DIRAS1: variants seen among roughly 807,000 people sequenced by gnomAD.
DIRAS1 encodes GTP-binding protein Di-Ras1.
DIRAS1 carries 3 observed loss-of-function variants against 11.5 expected under a neutral mutation model. The ratio of observed to expected loss-of-function variants is 0.26; its 90% CI spans 0.12 to 0.67. DIRAS1 has a LOEUF of 0.67. DIRAS1 is among the 30% of genes least tolerant of loss of function. DIRAS1 has a pLI of 0.80. For synonymous variants in DIRAS1, 128 were observed against 125.8 expected, an observed-to-expected ratio of 1.02 and a Z score of -0.12; for missense variants, 212 against 285.3, an observed-to-expected ratio of 0.74 and a Z score of 1.85.
intron 1 of DIRAS1, among the ~76,000 whole-genome samples, chr19:2,719,913 T>A (rs1913915720): frequency 6.6e-6 from 1 of 152,144 alleles, no homozygotes. Context: ...CACTTGGCTG[T>A]GCCTGTTGGT....
Position 2,718,890 on chromosome 19 carries a change from G to C in DIRAS1, c.-69-1015C>G, listed in dbSNP as rs979573481. Among the ~76,000 whole-genome samples, 1 of 151,544 alleles carries C rather than the reference G, an allele frequency of 6.6e-6. No individual in the cohort carries two copies. Among genetic ancestry groups the C allele is most frequent in the Non-Finnish European group, 1.5e-5 (1 of 67,954 alleles). On this transcript the variant is annotated intron_variant, in intron 1 of 1. Transcript: ENST00000323469. This position sits in a 1 kb window ranked among gnomAD's most constrained non-coding sequence, Gnocchi z 4.2. ...GGTTGGAGTTCAGTGGTGCAATCTC[G>C]GCTCACTGCAACCTCTGCCTCCTCG...
In DIRAS1 at chr19:2,717,097, C is replaced by A; in HGVS notation, c.*113G>T. 3 of 1,212,410 alleles carry A rather than the reference C, an allele frequency of 2.5e-6. No individual in the cohort carries two copies. The highest frequency in any genetic ancestry group is 3.4e-6 in the Non-Finnish European group (3 of 884,856). The allele number at this position is 1,212,410 out of a possible 1,614,324, so 75.1% of individuals were successfully genotyped here. On this transcript the variant is annotated 3_prime_UTR_variant, in exon 2 of 2. Transcript: ENST00000323469. ...GGGCGGTGGCCTCGGTTTCCCCAGC[C>A]GAGGTGTCGGAGGAAGGATGAGAGA... is the stretch of plus-strand genomic sequence containing the variant.
Position 2,717,528 on chromosome 19 carries a change from C to T in DIRAS1, c.279G>A (p.Ser93=), listed in dbSNP as rs1476243477. ...ILVFSVTSKQ[S]LEELGPIYKL... is the part of the protein sequence containing the mutation. ...TGTAGATGGGCCCCAGCTCCTCCAG[C>T]GACTGCTTGCTGGTGACGGAGAACA... Residue 93 remains serine (S), a synonymous_variant, in exon 2 of 2, where the codon TCG becomes TCA. Coordinates refer to ENST00000323469, the MANE Select transcript of DIRAS1 (RefSeq NM_145173.4). 1.2e-6 allele frequency: 2 copies of T among 1,613,072 alleles called. No individual in the cohort carries two copies. The highest frequency in any genetic ancestry group is 1.7e-5 in the Admixed American group (1 of 60,010).
Position 2,717,862 on chromosome 19 carries a change from AC to A in DIRAS1, c.-57del. The A allele has an allele frequency of 6.6e-7, 1 of 1,508,494 alleles. No homozygotes were observed. The highest frequency in any genetic ancestry group is 8.9e-7 in the Non-Finnish European group (1 of 1,127,566). The allele number at this position is 1,508,494 out of a possible 1,614,324, so 93.4% of individuals were successfully genotyped here. ...GGGAGGGCTGGTGCCAGCTGCAAGA[AC>A]CCCAGACCGAGCCTGTGCAGAGAGG... is the stretch of plus-strand genomic sequence containing the variant. On this transcript the variant is annotated 5_prime_UTR_variant, in exon 2 of 2. Coordinates refer to ENST00000323469, the MANE Select transcript of DIRAS1 (RefSeq NM_145173.4).
At position 2,718,300 on chromosome 19, in the gene DIRAS1, C is replaced by T. The variant is rs1232884568; in HGVS notation, c.-69-425G>A. Among the ~76,000 whole-genome samples, 1 of 152,172 alleles carries T rather than the reference C, an allele frequency of 6.6e-6. No individual in the cohort carries two copies. The highest frequency in any genetic ancestry group is 1.5e-5 in the Non-Finnish European group (1 of 68,026). On this transcript the variant is annotated intron_variant, in intron 1 of 1. Coordinates refer to ENST00000323469, the MANE Select transcript of DIRAS1 (RefSeq NM_145173.4). This position sits in a 1 kb window ranked among gnomAD's most constrained non-coding sequence, Gnocchi z 4.2. ...ACACCTGCCTGGCTCTGAGACCTTGCCGAGCCATCATGCCACCCTGAGCCT... is the reference window on the plus strand; with the variant it reads ...ACACCTGCCTGGCTCTGAGACCTTGTCGAGCCATCATGCCACCCTGAGCCT...
Position 2,721,366 on chromosome 19 carries a change from C to A in DIRAS1, c.-132G>T. The A allele has an allele frequency of 6.8e-6, 1 of 146,452 alleles. No individual in the cohort carries two copies. The highest frequency in any genetic ancestry group is 1.9e-4 in the South Asian group (1 of 5,330). The allele number at this position is 146,452 out of a possible 1,614,324, so 9.1% of individuals were successfully genotyped here. ...TCCTGCCCGCTCCGGTGTCCGCTGG[C>A]GCCGCCGCCCCCCGCCCGCCCGAGC... On this transcript the variant is annotated 5_prime_UTR_variant, in exon 1 of 2. Transcript: ENST00000323469.
Position 2,718,889 on chromosome 19 carries a change from C to T in DIRAS1, c.-69-1014G>A, listed in dbSNP as rs945534517. On this transcript the variant is annotated intron_variant, in intron 1 of 1. Transcript: ENST00000323469. The surrounding 1 kb of genome is among the most constrained non-coding windows in gnomAD (Gnocchi z 4.2). ...AGGTTGGAGTTCAGTGGTGCAATCT[C>T]GGCTCACTGCAACCTCTGCCTCCTC... Among the ~76,000 whole-genome samples, 5 of 151,444 alleles carry T rather than the reference C, an allele frequency of 3.3e-5. No homozygotes were observed. Among genetic ancestry groups the T allele is most frequent in the South Asian group, 2.1e-4 (1 of 4,806 alleles).
rs1211038321 is a variant in DIRAS1, at chr19:2,715,472, A to G, written c.*1738T>C. The G allele has an allele frequency of 6.6e-6, 1 of 152,274 alleles. No individual in the cohort carries two copies. The highest frequency in any genetic ancestry group is 1.9e-4 in the East Asian group (1 of 5,198). The allele number at this position is 152,274 out of a possible 1,614,324, so 9.4% of individuals were successfully genotyped here. On this transcript the variant is annotated 3_prime_UTR_variant, in exon 2 of 2. Transcript: ENST00000323469. ...TGAGGCCTTCAGTCTTGCAACAGCA[A>G]GGAACTGAATGCTGCAACAACCACA...
chr19:2,718,119 C>G lies in DIRAS1; in HGVS notation c.-69-244G>C, dbSNP rs1288831108. ...CTGGGGCCTGAGCTTCCCCGGGGGA[C>G]GCTGAGCTAGGAGAGGCGTGGGAGA... On this transcript the variant is annotated intron_variant, in intron 1 of 1. Coordinates refer to ENST00000323469, the MANE Select transcript of DIRAS1 (RefSeq NM_145173.4). This position sits in a 1 kb window ranked among gnomAD's most constrained non-coding sequence, Gnocchi z 4.2. Among the ~76,000 whole-genome samples, 1 of 152,330 alleles carries G rather than the reference C, an allele frequency of 6.6e-6. No individual in the cohort carries two copies. The highest frequency in any genetic ancestry group is 1.9e-4 in the East Asian group (1 of 5,188).
Position 2,717,837 on chromosome 19 carries a change from G to T in DIRAS1, c.-31C>A. On this transcript the variant is annotated 5_prime_UTR_variant, in exon 2 of 2. Coordinates refer to ENST00000323469, the MANE Select transcript of DIRAS1 (RefSeq NM_145173.4). ...CCGCGGCGGGTGGGCGGCCGGGGCC[G>T]GGAGGGCTGGTGCCAGCTGCAAGAA... is the stretch of plus-strand genomic sequence containing the variant. 6.4e-7 allele frequency: 1 copy of T among 1,554,512 alleles called. No individual in the cohort carries two copies. Among genetic ancestry groups the T allele is most frequent in the Non-Finnish European group, 8.7e-7 (1 of 1,154,448 alleles).
At chr19:2,717,985 G>GTGCCTCC in intron 1 of DIRAS1, 110 bp from the exon 2 acceptor site, 2 of 663,158 alleles carry the variant, frequency 3.0e-6, no homozygotes, top group Non-Finnish European at 5.1e-6. Context: ...GGTGGCTGCC[G>GTGCCTCC]TGCCTCCTGC....
intron 1 of DIRAS1, among the ~76,000 whole-genome samples, chr19:2,719,931 G>T (rs1913916329): frequency 6.6e-6 from 1 of 152,202 alleles, no homozygotes; most frequent in Non-Finnish European, 1.5e-5. Context: ...GGTTGCAAAG[G>T]CACCTTCTGG....
At chr19:2,719,540 G>T (rs981141180) in intron 1 of DIRAS1, among the ~76,000 whole-genome samples, 2 of 150,508 alleles carry the variant, frequency 1.3e-5, no homozygotes, top group Non-Finnish European at 3.0e-5. Context: ...CTCCAGAATT[G>T]ATGTCCTCCC....
At chr19:2,719,662 C>T (rs1913909104) in intron 1 of DIRAS1, among the ~76,000 whole-genome samples, 1 of 149,674 alleles carries the variant, frequency 6.7e-6, no homozygotes, top group South Asian at 2.1e-4. Context: ...CTACCTGCTG[C>T]ACTGGGGGTG....
Position 2,717,156 on chromosome 19 carries a change from G to A in DIRAS1, c.*54C>T. 6.6e-7 allele frequency: 1 copy of A among 1,513,950 alleles called. No homozygotes were observed. The highest frequency in any genetic ancestry group is 1.2e-5 in the South Asian group (1 of 80,526). The allele number at this position is 1,513,950 out of a possible 1,614,324, so 93.8% of individuals were successfully genotyped here. On this transcript the variant is annotated 3_prime_UTR_variant, in exon 2 of 2. Transcript: ENST00000323469. ...AGGCCGAGGAGGGTGTCGGTGTTGG[G>A]GGAGGCAGCGGGGGTCAGTGGGGGT...
At chr19:2,719,753 G>C (rs558967029) in intron 1 of DIRAS1, among the ~76,000 whole-genome samples, 8 of 152,136 alleles carry the variant, frequency 5.3e-5, no homozygotes, top group Non-Finnish European at 1.2e-4. Context: ...AAGTCCCTAA[G>C]CCTCCGTTTT....
At position 2,716,508 on chromosome 19, in the gene DIRAS1, G is replaced by A. The variant is rs956030170; in HGVS notation, c.*702C>T. The A allele has an allele frequency of 6.6e-6, 1 of 152,462 alleles. No individual in the cohort carries two copies. Among genetic ancestry groups the A allele is most frequent in the Non-Finnish European group, 1.5e-5 (1 of 68,186 alleles). 9.4% of individuals were successfully genotyped at this position (152,462 alleles called of 1,614,324 possible). ...CCCATGGTGCCTCTCCAGCGGGGCA[G>A]TTGTGCTGTGGATGTGGCTGGTCCC... On this transcript the variant is annotated 3_prime_UTR_variant, in exon 2 of 2. Transcript: ENST00000323469.
Position 2,717,066 on chromosome 19 carries a change from A to AGGGG in DIRAS1, c.*140_*143dup, listed in dbSNP as rs1555707239. 2.7e-6 allele frequency: 2 copies of AGGGG among 749,506 alleles called. No homozygotes were observed. The highest frequency in any genetic ancestry group is 3.9e-6 in the Non-Finnish European group (2 of 507,924). The allele number at this position is 749,506 out of a possible 1,614,324, so 46.4% of individuals were successfully genotyped here. On this transcript the variant is annotated 3_prime_UTR_variant, in exon 2 of 2. Coordinates refer to ENST00000323469, the MANE Select transcript of DIRAS1 (RefSeq NM_145173.4). ...GCCTCGGGGTGGGCAGGGGCAGCGG[A>AGGGG]GGGGGGGGCGGTGGCCTCGGTTTCC...
At chr19:2,720,954 G>A (rs928019147) in intron 1 of DIRAS1, among the ~76,000 whole-genome samples, 2 of 151,530 alleles carry the variant, frequency 1.3e-5, no homozygotes, top group South Asian at 2.1e-4. Flanking sequence ...GCTGGGCAGC[G>A]GGGCGGAGGG....
Sources: allele counts gnomAD v4.1 joint callset (sites outside exome capture counted in the v4.1 genomes callset), GRCh38; gene constraint gnomAD v4.1.1; non-coding constraint Gnocchi (gnomAD v3.1); transcripts MANE v1.5; gene names NCBI Gene and HGNC (gene_info 2026-07-23, HGNC 2026-07-21).